The following NCKAP5 variants were observed in gnomAD, a reference collection of about 807,000 sequenced individuals.
The protein encoded by NCKAP5 is nck-associated protein 5.
Under a neutral mutation model 167.0 loss-of-function variants are expected in NCKAP5, and 92 were observed. The observed-to-expected ratio is 0.55, with a 90% CI of 0.47 to 0.66. The LOEUF (loss-of-function observed/expected upper bound fraction) is 0.66. Among genes scored for constraint, NCKAP5 ranks in the 30% least tolerant of loss-of-function variants. NCKAP5 has a pLI of 0.00. For synonymous variants in NCKAP5, 891 were observed against 877.4 expected (o/e 1.02, Z -0.27); for missense variants, 2,378 against 2,315.0 (o/e 1.03, Z -0.56).
At chr2:133,027,109 A>G (rs1180207889) in intron 6 of NCKAP5, among the ~76,000 whole-genome samples, 1 of 152,166 alleles carries the variant, frequency 6.6e-6, no homozygotes, top group Non-Finnish European at 1.5e-5. Context: ...CTATCCTTTC[A>G]AGTAATAATG....
chr2:132,698,709 C>G (rs921957280), intron 19 of NCKAP5, among the ~76,000 whole-genome samples: 1 of 152,078 alleles, frequency 6.6e-6, no homozygotes, highest in Non-Finnish European at 1.5e-5. Context: ...TGGCACGTGC[C>G]TGTAGTCCCA....
intron 6 of NCKAP5, among the ~76,000 whole-genome samples, chr2:133,073,044 C>T (rs1256224516): frequency 1.3e-5 from 2 of 152,020 alleles, no homozygotes; most frequent in Non-Finnish European, 2.9e-5. Context: ...AGGGTCAGAC[C>T]TCAAAGAATG....
At chr2:133,308,079 A>ATTTTTTTTTTT (rs60111877) in intron 3 of NCKAP5, among the ~76,000 whole-genome samples, 2 of 89,396 alleles carry the variant, frequency 2.2e-5, no homozygotes, top group Non-Finnish European at 4.4e-5. Flanking sequence ...TTATTGTTCT[A>ATTTTTTTTTTT]TTTTTTTTTT....
Position 133,474,440 on chromosome 2 carries a change from A to G in NCKAP5, c.69+43018T>C, listed in dbSNP as rs143106108. Among the ~76,000 whole-genome samples the G allele has an allele frequency of 9.1e-4, 139 of 152,340 alleles. 1 individual carries two copies. Among genetic ancestry groups the G allele is most frequent in the African/African-American group, 3.2e-3 (134 of 41,576 alleles). ...TGAGGAGATATTAGTCGAAGGACAT[A>G]GAATTTCACTTAGACTGCAGGAATA... On this transcript the variant is annotated intron_variant, in intron 3 of 19. Coordinates refer to ENST00000409261, the MANE Select transcript of NCKAP5 (RefSeq NM_207363.3).
intron 11 of NCKAP5, among the ~76,000 whole-genome samples, chr2:132,847,048 T>C (rs1688713923): frequency 6.6e-6 from 1 of 152,222 alleles, no homozygotes; most frequent in South Asian, 2.1e-4. Flanking sequence ...TGCTTTCAAC[T>C]GTATACTTTT....
At chr2:133,083,236 C>T (rs1233968036) in intron 6 of NCKAP5, among the ~76,000 whole-genome samples, 1 of 152,134 alleles carries the variant, frequency 6.6e-6, no homozygotes, top group Non-Finnish European at 1.5e-5. Flanking sequence ...AAAAAAAAAT[C>T]ACACCAAGCC....
At chr2:133,353,553 A>G (rs561362358) in intron 3 of NCKAP5, among the ~76,000 whole-genome samples, 2 of 152,320 alleles carry the variant, frequency 1.3e-5, no homozygotes, top group South Asian at 4.1e-4. Context: ...ATGGAGACCC[A>G]TGGCCCTAAG....
At chr2:133,591,823 T>A in the NCKAP5 span, among the ~76,000 whole-genome samples, 3 of 152,214 alleles carry the variant, frequency 2.0e-5, no homozygotes, top group African/African-American at 7.2e-5. Context: ...CTTTAATTTT[T>A]TTCCTAATTT....
At chr2:133,372,522 T>C (rs929402534) in intron 3 of NCKAP5, among the ~76,000 whole-genome samples, 12 of 152,242 alleles carry the variant, frequency 7.9e-5, no homozygotes, top group Non-Finnish European at 1.6e-4. Context: ...ACTGGCTTAA[T>C]TATTTCTGTC....
intron 3 of NCKAP5, among the ~76,000 whole-genome samples, chr2:133,356,427 C>A (rs1287563629): frequency 2.0e-5 from 3 of 152,168 alleles, no homozygotes; most frequent in African/African-American, 7.2e-5. Flanking sequence ...AGCATTTAAT[C>A]CCCATTTTCT....
At chr2:133,294,050 T>G (rs764436916) in intron 4 of NCKAP5, among the ~76,000 whole-genome samples, 1 of 152,228 alleles carries the variant, frequency 6.6e-6, no homozygotes, top group South Asian at 2.1e-4. Flanking sequence ...CATAGCGTGA[T>G]GTTTTGCTTT....
chr2:133,666,186 C>CTTTTTTTTT, the NCKAP5 span, among the ~76,000 whole-genome samples: 398 of 114,090 alleles, frequency 3.5e-3, no homozygotes, highest in Middle Eastern at 6.8e-3. Flanking sequence ...GATCTACATC[C>CTTTTTTTTT]TTTTTTTTTT....
chr2:133,166,591 A>T (rs2084010869), intron 5 of NCKAP5, among the ~76,000 whole-genome samples: 1 of 152,146 alleles, frequency 6.6e-6, no homozygotes, highest in Non-Finnish European at 1.5e-5. Context: ...TTAAATTTAA[A>T]CACATATACA....
At chr2:133,266,798 C>A (rs2089254901) in intron 4 of NCKAP5, among the ~76,000 whole-genome samples, 1 of 152,310 alleles carries the variant, frequency 6.6e-6, no homozygotes, top group East Asian at 1.9e-4. Context: ...GTTTCACTGG[C>A]GCTCAGGGAG....
At chr2:133,083,517 T>C (rs190428915) in intron 6 of NCKAP5, among the ~76,000 whole-genome samples, 1 of 152,292 alleles carries the variant, frequency 6.6e-6, no homozygotes, top group African/African-American at 2.4e-5. Context: ...TCCTTGTACT[T>C]ATGCCCTACA....
the NCKAP5 span, among the ~76,000 whole-genome samples, chr2:133,659,593 G>A: frequency 1.3e-5 from 2 of 152,202 alleles, no homozygotes; most frequent in South Asian, 4.1e-4. Flanking sequence ...TTTTCAAATC[G>A]CATATCTGAA....
chr2:132,819,156 C>T (rs899040871), intron 11 of NCKAP5, among the ~76,000 whole-genome samples: 31 of 152,144 alleles, frequency 2.0e-4, no homozygotes, highest in Non-Finnish European at 3.5e-4. Context: ...AACCCTCTGT[C>T]TTATGTTGCA....
chr2:132,978,466 T>C (rs2077040218), intron 7 of NCKAP5, among the ~76,000 whole-genome samples: 2 of 152,182 alleles, frequency 1.3e-5, no homozygotes, highest in African/African-American at 4.8e-5. Flanking sequence ...GGGACATCTG[T>C]GACATCATTT....
intron 8 of NCKAP5, among the ~76,000 whole-genome samples, chr2:132,944,745 G>A (rs368121726): frequency 2.6e-5 from 4 of 152,112 alleles, no homozygotes; most frequent in Non-Finnish European, 4.4e-5. Flanking sequence ...CTGAAAGAGC[G>A]ACATTTTGAG....
Sources: allele counts gnomAD v4.1 joint callset (sites outside exome capture counted in the v4.1 genomes callset), GRCh38; gene constraint gnomAD v4.1.1; transcripts MANE v1.5; gene names NCBI Gene and HGNC (gene_info 2026-07-23, HGNC 2026-07-21).